The following AFF1 variants were observed in gnomAD, a reference collection of about 807,000 sequenced individuals.
AFF1 encodes ALF transcription elongation factor 1.
Under a neutral mutation model 121.7 loss-of-function variants are expected in AFF1, and 48 were observed. That is an observed-to-expected ratio of 0.39 (90% confidence interval 0.31 to 0.50). The LOEUF (loss-of-function observed/expected upper bound fraction) is 0.50, where lower values mean the gene tolerates loss of function less well. Among genes scored for constraint, AFF1 ranks in the 20% least tolerant of loss-of-function variants. AFF1 has a pLI of 0.76. For synonymous variants in AFF1, 613 were observed against 563.0 expected, an observed-to-expected ratio of 1.09 and a Z score of -1.26; for missense variants, 1,523 against 1,511.7, an observed-to-expected ratio of 1.01 and a Z score of -0.12.
intron 8 of AFF1, among the ~76,000 whole-genome samples, chr4:87,102,288 G>A (rs1174375080): frequency 6.6e-6 from 1 of 152,150 alleles, no homozygotes; most frequent in Non-Finnish European, 1.5e-5. Context: ...CTTGTTATTT[G>A]ACCAGTTAAA....
chr4:87,079,741 A>G (rs1173853391), intron 4 of AFF1, among the ~76,000 whole-genome samples: 1 of 152,180 alleles, frequency 6.6e-6, no homozygotes, highest in Non-Finnish European at 1.5e-5. Context: ...TTTTATTTGT[A>G]AATACCTCAT....
intron 2 of AFF1, among the ~76,000 whole-genome samples, chr4:86,998,303 G>A (rs1057505412): frequency 6.6e-6 from 1 of 152,104 alleles, no homozygotes; most frequent in East Asian, 1.9e-4. Context: ...AAACAAGCTA[G>A]TCTCGCTAGA....
intron 2 of AFF1, among the ~76,000 whole-genome samples, chr4:87,019,524 C>T (rs1578075227): frequency 6.6e-6 from 1 of 152,058 alleles, no homozygotes; most frequent in African/African-American, 2.4e-5. Flanking sequence ...CCTTTTTGTC[C>T]AGTCACATTT....
At chr4:86,969,030 A>G (rs1408979033) in intron 2 of AFF1, among the ~76,000 whole-genome samples, 1 of 152,198 alleles carries the variant, frequency 6.6e-6, no homozygotes, top group African/African-American at 2.4e-5. Flanking sequence ...GATTGTGTTC[A>G]TTGGTCTTAG....
intron 2 of AFF1, among the ~76,000 whole-genome samples, chr4:86,985,178 T>TATATATATA (rs1255880379): frequency 4.1e-4 from 38 of 93,072 alleles, no homozygotes; most frequent in Admixed American, 6.0e-4. Context: ...ATAATATGTA[T>TATATATATA]TACTATATAT....
chr4:86,986,939 A>G (rs1724332635), intron 2 of AFF1, among the ~76,000 whole-genome samples: 1 of 151,818 alleles, frequency 6.6e-6, no homozygotes, highest in Non-Finnish European at 1.5e-5. Context: ...CTTGCTGGGT[A>G]CAAGTGATCC....
intron 2 of AFF1, among the ~76,000 whole-genome samples, chr4:86,979,180 C>T (rs1262078148): frequency 6.6e-6 from 1 of 152,166 alleles, no homozygotes; most frequent in African/African-American, 2.4e-5. Context: ...TCACTGCAAC[C>T]TCCGCCTCTT....
chr4:87,028,523 A>G (rs908478126), intron 2 of AFF1, among the ~76,000 whole-genome samples: 8 of 152,100 alleles, frequency 5.3e-5, no homozygotes, highest in African/African-American at 1.2e-4. Flanking sequence ...TGTCATTTCA[A>G]TTTTTTAAAA....
Position 87,126,213 on chromosome 4 carries a change from A to C in AFF1, c.2688A>C (p.Ala896=). ...KPALKRSRRE[A]DTCGQDPPKS... Reference sequence around the variant, plus strand: ...CACTTAAGAGGTCAAGGCGGGAAGCAGACACCTGTGGCCAGGACCCTCCCA... The same window carrying C: ...CACTTAAGAGGTCAAGGCGGGAAGCCGACACCTGTGGCCAGGACCCTCCCA... Residue 896 remains alanine, a synonymous_variant, in exon 14 of 21, where the codon GCA becomes GCC. Transcript: ENST00000395146. The C allele has an allele frequency of 6.2e-7, 1 of 1,614,188 alleles. No homozygotes were observed. The highest frequency in any genetic ancestry group is 8.5e-7 in the Non-Finnish European group (1 of 1,180,036).
Position 87,069,271 on chromosome 4 carries a change from C to CTTTTTT in AFF1, c.1060-14832_1060-14827dup, listed in dbSNP as rs753186809. On this transcript the variant is annotated intron_variant, in intron 4 of 20. Transcript: ENST00000395146. ...ACAGGTGGCGTGGTGTGTGTGGCCT[C>CTTTTTT]TTTTTTTTTTTTTTTTTTTTTTGGC... Among the ~76,000 whole-genome samples, 40 of 80,566 alleles carry CTTTTTT rather than the reference C, an allele frequency of 5.0e-4. 2 individuals carry two copies. Among genetic ancestry groups the CTTTTTT allele is most frequent in the African/African-American group, 1.9e-3 (35 of 18,566 alleles). 52.9% of individuals were successfully genotyped at this position (80,566 alleles called of 152,430 possible). A position where few individuals can be genotyped will look rare whatever the true frequency, so the allele number is the denominator to read the frequency against.
At position 86,986,791 on chromosome 4, in the gene AFF1, AAT is replaced by A. The variant is rs200401279; in HGVS notation, c.38+38223_38+38224del. On this transcript the variant is annotated intron_variant, in intron 2 of 20. Coordinates refer to ENST00000395146, the MANE Select transcript of AFF1 (RefSeq NM_001166693.3). The stretch of plus-strand genomic sequence containing the variant: ...TATTAATATTACATTAATATTAAGT[AAT>A]ATTACATTAATATCAAGTAATAAAC... 4.9e-3 allele frequency among the ~76,000 whole-genome samples: 743 copies of A among 152,272 alleles called. 4 individuals carry two copies. The highest frequency in any genetic ancestry group is 0.017 in the African/African-American group (710 of 41,546).
At chr4:87,132,202 A>G in intron 18 of AFF1, 69 bp from the exon 19 acceptor site, 2 of 1,561,498 alleles carry the variant, frequency 1.3e-6, no homozygotes, top group Non-Finnish European at 8.7e-7. Flanking sequence ...TTAGGCTATA[A>G]AAGGTTAGAT....
intron 2 of AFF1, among the ~76,000 whole-genome samples, chr4:86,978,954 G>A (rs1293297484): frequency 6.6e-6 from 1 of 152,078 alleles, no homozygotes; most frequent in Non-Finnish European, 1.5e-5. Context: ...ATAACTCTTT[G>A]CTCAGACTGT....
chr4:86,969,443 C>T (rs892105319), intron 2 of AFF1, among the ~76,000 whole-genome samples: 1 of 151,906 alleles, frequency 6.6e-6, no homozygotes, highest in African/African-American at 2.4e-5. Flanking sequence ...TGTGCCACTG[C>T]ACTCCAGCCT....
chr4:87,135,178 C>CCCTTGGA (rs1729193628), intron 20 of AFF1, among the ~76,000 whole-genome samples: 1 of 152,176 alleles, frequency 6.6e-6, no homozygotes, highest in South Asian at 2.1e-4. Flanking sequence ...GGGAAGAAGA[C>CCCTTGGA]CCTTGGAGAA....
At chr4:87,070,006 G>GT (rs1276735878) in intron 4 of AFF1, among the ~76,000 whole-genome samples, 1 of 150,996 alleles carries the variant, frequency 6.6e-6, no homozygotes, top group African/African-American at 2.4e-5. Flanking sequence ...TGTTGGTTTT[G>GT]TTTTTATTTT....
chr4:86,982,652 C>T (rs1416303846), intron 2 of AFF1, among the ~76,000 whole-genome samples: 1 of 151,026 alleles, frequency 6.6e-6, no homozygotes, highest in Non-Finnish European at 1.5e-5. Context: ...TGAGCCCAGC[C>T]TGGCCAACAT....
At chr4:86,979,567 A>C (rs1044538390) in intron 2 of AFF1, among the ~76,000 whole-genome samples, 3 of 152,196 alleles carry the variant, frequency 2.0e-5, no homozygotes, top group African/African-American at 7.2e-5. Context: ...TCTTTGTGAA[A>C]ATTTTATTTG....
intron 11 of AFF1, among the ~76,000 whole-genome samples, chr4:87,112,392 C>T (rs546118872): frequency 1.6e-4 from 25 of 152,058 alleles, no homozygotes; most frequent in African/African-American, 5.5e-4. Context: ...CGAAGGAAGC[C>T]GTAAGGAAGA....
Sources: allele counts gnomAD v4.1 joint callset (sites outside exome capture counted in the v4.1 genomes callset), GRCh38; gene constraint gnomAD v4.1.1; transcripts MANE v1.5; gene names NCBI Gene and HGNC (gene_info 2026-07-23, HGNC 2026-07-21).